Variants in STARD9 observed in about 807,000 individuals in gnomAD.
STARD9 encodes StAR related lipid transfer domain containing 9.
STARD9 carries 346 observed loss-of-function variants against 399.8 expected under a neutral mutation model. The observed-to-expected ratio is 0.87, with a 90% CI of 0.79 to 0.95. The LOEUF (loss-of-function observed/expected upper bound fraction) is 0.95, where lower values mean the gene tolerates loss of function less well. Ranked by LOEUF, STARD9 falls within the 40% of genes least tolerant of loss-of-function variation. The pLI is 0.00. For synonymous variants in STARD9, 2,203 were observed against 2,143.5 expected (o/e 1.03, Z -0.77); for missense variants, 5,832 against 5,667.5 (o/e 1.03, Z -0.93).
At position 42,610,116 on chromosome 15, in the gene STARD9, G is replaced by T. The variant is rs2058818551; in HGVS notation, c.234+24479G>T. On this transcript the variant is annotated intron_variant, in intron 3 of 32. Coordinates refer to ENST00000290607, the MANE Select transcript of STARD9 (RefSeq NM_020759.3). ...TCCAAGAAATAAAATAAAAAATAAA[G>T]AAATGTGTTTGAATAAGAGTCTCAT... is the stretch of plus-strand genomic sequence containing the variant. Among the ~76,000 whole-genome samples the T allele has an allele frequency of 3.9e-5, 6 of 152,028 alleles. 1 individual carries two copies. In the South Asian group the frequency reaches 1.2e-3, roughly 32 times the overall value.
intron 3 of STARD9, among the ~76,000 whole-genome samples, chr15:42,626,405 T>TTCTTCCTCCTCCTCCTCC (rs2059221374): frequency 6.9e-6 from 1 of 145,866 alleles, no homozygotes; most frequent in African/African-American, 2.6e-5. Context: ...CCTCCTCCTC[T>TTCTTCCTCCTCCTCCTCC]TCTTCCTCCT....
chr15:42,684,790 A>C lies in STARD9; in HGVS notation c.3212A>C (p.Gln1071Pro), dbSNP rs1020216860. 14 of 1,537,140 alleles carry C rather than the reference A, an allele frequency of 9.1e-6. No homozygotes were observed. The highest frequency in any genetic ancestry group is 1.4e-5 in the African/African-American group (1 of 73,058). ...CCTCTTGGCAGTCCTTTGAAGAGAC[A>C]ACAAAATACAAGGGACCCAGACACC... ...HLPLGSPLKR[Q>P]QNTRDPDTMV... The change falls in exon 23 of 33, where the codon CAA becomes CCA. Residue 1071 changes from glutamine (Q) to proline (P), a missense_variant. Gln to Pro is a moderately conservative substitution (Grantham distance 76). Around this residue, in one of 2 missense-constraint regions of STARD9, gnomAD observed 5,828 missense variants for 5,651.1 expected, o/e 1.03. Coordinates refer to ENST00000290607, the MANE Select transcript of STARD9 (RefSeq NM_020759.3).
intron 7 of STARD9, among the ~76,000 whole-genome samples, chr15:42,648,455 A>C (rs867605544): frequency 3.9e-5 from 6 of 152,042 alleles, no homozygotes; most frequent in Admixed American, 2.0e-4. Flanking sequence ...GAGCCCCCAT[A>C]CCCAGCCTGC....
intron 3 of STARD9, among the ~76,000 whole-genome samples, chr15:42,621,045 C>T (rs991877790): frequency 5.3e-5 from 8 of 152,138 alleles, no homozygotes; most frequent in African/African-American, 1.4e-4. Flanking sequence ...TGAGCCACCA[C>T]CTGGTATACA....
intron 10 of STARD9, among the ~76,000 whole-genome samples, 159 bp downstream of exon 10, chr15:42,661,384 C>T (rs1026885006): frequency 6.6e-5 from 10 of 152,100 alleles, no homozygotes; most frequent in African/African-American, 9.7e-5. Context: ...TTCTAGGGGC[C>T]GAAAAGTTCC....
rs1555388946 is a variant in STARD9 at position 42,598,034 on chromosome 15, G to GTGTGTGTA, written c.234+12403_234+12410dup. Among the ~76,000 whole-genome samples, 3 of 149,902 alleles carry GTGTGTGTA rather than the reference G, an allele frequency of 2.0e-5. No homozygotes were observed. The East Asian group carries it at 5.9e-4, about 30-fold the overall frequency. ...TGTGTGTGTGTGTGTGTGTGTGTGT[G>GTGTGTGTA]TGTGTGTATGTGTTTGAGATGGAGT... is the stretch of plus-strand genomic sequence containing the variant. On this transcript the variant is annotated intron_variant, in intron 3 of 32. Coordinates refer to ENST00000290607, the MANE Select transcript of STARD9 (RefSeq NM_020759.3).
rs2058967958 is a variant in STARD9 at position 42,616,648 on chromosome 15, T to C, written c.235-18208T>C. Among the ~76,000 whole-genome samples, 5 of 152,008 alleles carry C rather than the reference T, an allele frequency of 3.3e-5. No homozygotes were observed. The South Asian group carries it at 1.0e-3, about 32-fold the overall frequency. On this transcript the variant is annotated intron_variant, in intron 3 of 32. Coordinates refer to ENST00000290607, the MANE Select transcript of STARD9 (RefSeq NM_020759.3). The stretch of plus-strand genomic sequence containing the variant: ...GGCCCATACCTGTAATCCCAGCACT[T>C]TGGGGGGCTGAGGTGGGCGGATCAC...
Position 42,686,004 on chromosome 15 carries a change from G to T in STARD9, c.4426G>T (p.Val1476Leu). 1 of 1,537,318 alleles carries T rather than the reference G, an allele frequency of 6.5e-7. No individual in the cohort carries two copies. The highest frequency in any genetic ancestry group is 1.2e-5 in the South Asian group (1 of 84,048). Residue 1476 changes from valine (V) to leucine (L), a missense_variant, in exon 23 of 33, where the codon GTA becomes TTA. Val to Leu is a conservative substitution (Grantham distance 32). Coordinates refer to ENST00000290607, the MANE Select transcript of STARD9 (RefSeq NM_020759.3). The stretch of plus-strand genomic sequence containing the variant: ...TGCCTCTGCCACCACCTTGACTCAT[G>T]TAGGCAGCACCCATGAAAGGGATTG... ...LAASATTLTH[V>L]GSTHERDWSA...
At chr15:42,635,145 C>T (rs573362610) in intron 4 of STARD9, among the ~76,000 whole-genome samples, 173 bp downstream of exon 4, 3 of 151,864 alleles carry the variant, frequency 2.0e-5, no homozygotes, top group African/African-American at 7.2e-5. Context: ...GTGGCTCACG[C>T]CTGTAATCCC....
At position 42,684,202 on chromosome 15, in the gene STARD9, A is replaced by G. The variant is rs756654073; in HGVS notation, c.2624A>G (p.Glu875Gly). The G allele has an allele frequency of 9.8e-6, 15 of 1,537,162 alleles. No homozygotes were observed. In the South Asian group the frequency reaches 1.7e-4, roughly 17 times the overall value. ...HQTSEKTSSEEHLPQAASYPA... is the reference protein window; with the variant it reads ...HQTSEKTSSEGHLPQAASYPA... ...ACATCAGAGAAAACATCATCAGAAG[A>G]GCATTTGCCACAGGCTGCTTCCTAC... The change falls in exon 23 of 33, where the codon GAG (glutamate) becomes GGG (glycine). Residue 875 changes from glutamate (E) to glycine (G), a missense_variant. Around this residue, in one of 2 missense-constraint regions of STARD9, gnomAD observed 5,828 missense variants for 5,651.1 expected, o/e 1.03. Transcript: ENST00000290607.
At chr15:42,584,115 G>A (rs2058227116) in intron 2 of STARD9, among the ~76,000 whole-genome samples, 1 of 151,996 alleles carries the variant, frequency 6.6e-6, no homozygotes, top group East Asian at 1.9e-4. Context: ...GAGAGACTGG[G>A]GAAGCTGACC....
chr15:42,610,392 G>T (rs952616463), intron 3 of STARD9, among the ~76,000 whole-genome samples: 2 of 152,144 alleles, frequency 1.3e-5, no homozygotes, highest in African/African-American at 2.4e-5. Flanking sequence ...AGCAACATTG[G>T]AGATGGGTTG....
chr15:42,588,460 T>A (rs1046524171), intron 3 of STARD9, among the ~76,000 whole-genome samples: 7 of 152,090 alleles, frequency 4.6e-5, no homozygotes, highest in Admixed American at 2.6e-4. Flanking sequence ...TCTCCTGAGG[T>A]TTCTTCTGGC....
intron 26 of STARD9, among the ~76,000 whole-genome samples, chr15:42,708,982 C>T (rs181880668): frequency 3.0e-4 from 45 of 152,056 alleles, no homozygotes; most frequent in African/African-American, 9.9e-4. Flanking sequence ...ACCTTATTCT[C>T]GGTGCATTGT....
chr15:42,716,862 A>G, intron 27 of STARD9, 65 bp from the exon 28 acceptor site: 1 of 1,532,866 alleles, frequency 6.5e-7, no homozygotes, highest in African/African-American at 1.4e-5. Flanking sequence ...TCTGTGGGAG[A>G]GCTGTTGCTG....
intron 7 of STARD9, among the ~76,000 whole-genome samples, chr15:42,647,270 C>T (rs556916317): frequency 6.6e-6 from 1 of 152,234 alleles, no homozygotes; most frequent in South Asian, 2.1e-4. Context: ...GATACTTGTT[C>T]AAATCTTCTG....
At chr15:42,612,250 T>G (rs981325120) in intron 3 of STARD9, among the ~76,000 whole-genome samples, 1 of 152,180 alleles carries the variant, frequency 6.6e-6, no homozygotes, top group Non-Finnish European at 1.5e-5. Context: ...AATGGTGGCA[T>G]TACAGGCCGG....
chr15:42,581,534 G>GCGC (rs2058170248), intron 1 of STARD9: 1 of 1,307,206 alleles, frequency 7.6e-7, no homozygotes, highest in Non-Finnish European at 1.1e-6. Context: ...GTAGGCGGCG[G>GCGC]CGCCGGGCCG....
At chr15:42,619,620 A>G (rs754587992) in intron 3 of STARD9, among the ~76,000 whole-genome samples, 3 of 152,144 alleles carry the variant, frequency 2.0e-5, no homozygotes, top group Non-Finnish European at 4.4e-5. Flanking sequence ...GTGCAGTTTA[A>G]TAGGGTTCAC....
Sources: allele counts gnomAD v4.1 joint callset (sites outside exome capture counted in the v4.1 genomes callset), GRCh38; gene constraint gnomAD v4.1.1; regional missense constraint gnomAD v4.1.1; transcripts MANE v1.5; gene names NCBI Gene and HGNC (gene_info 2026-07-23, HGNC 2026-07-21).